STON2: variants seen among roughly 807,000 people sequenced by gnomAD.
STON2 encodes the protein stonin 2.
In STON2, 29 loss-of-function variants were observed where a neutral mutation model predicts 65.7. The observed-to-expected ratio is 0.44, with a 90% CI of 0.33 to 0.60. The LOEUF is 0.60. Ranked by LOEUF, STON2 falls within the 20% of genes least tolerant of loss-of-function variation. The pLI, the probability that STON2 is intolerant of heterozygous loss-of-function variation, is 0.03. For synonymous variants in STON2, 404 were observed against 414.2 expected (o/e 0.98, Z 0.30); for missense variants, 1,054 against 1,118.1 (o/e 0.94, Z 0.82).
intron 5 of STON2, among the ~76,000 whole-genome samples, chr14:81,323,151 C>T (rs1423334194): frequency 6.6e-6 from 1 of 152,192 alleles, no homozygotes; most frequent in Non-Finnish European, 1.5e-5. Flanking sequence ...GAGGCAGCAA[C>T]TTTATTCCTT....
chr14:81,292,483 C>T lies in STON2; in HGVS notation c.743-13744G>A, dbSNP rs947914726. Among the ~76,000 whole-genome samples, 4 of 152,278 alleles carry T rather than the reference C, an allele frequency of 2.6e-5. No homozygotes were observed. The East Asian group carries it at 7.7e-4, about 29-fold the overall frequency. ...GTGGCAGTTAACTGAATGATGGGGGCAAGTTACCCCTGTGCTGTTCTCATG... is the reference window on the plus strand; with the variant it reads ...GTGGCAGTTAACTGAATGATGGGGGTAAGTTACCCCTGTGCTGTTCTCATG... On this transcript the variant is annotated intron_variant, in intron 5 of 7. Coordinates refer to ENST00000614646, the MANE Select transcript of STON2 (RefSeq NM_001394390.1).
At chr14:81,318,934 C>T (rs1896722885) in intron 5 of STON2, among the ~76,000 whole-genome samples, 1 of 152,244 alleles carries the variant, frequency 6.6e-6, no homozygotes, top group Admixed American at 6.5e-5. Context: ...CCTTGACCAA[C>T]AGGATGCTAA....
At chr14:81,430,181 G>C (rs902639246) in intron 1 of STON2, among the ~76,000 whole-genome samples, 5 of 152,140 alleles carry the variant, frequency 3.3e-5, no homozygotes, top group Non-Finnish European at 7.3e-5. Context: ...CACAATCTGG[G>C]AAAGACTCGC....
chr14:81,264,479 C>T lies in STON2; in HGVS notation c.*3935G>A, dbSNP rs1420527110. 2.0e-6 allele frequency: 2 copies of T among 985,286 alleles called. No individual in the cohort carries two copies. The highest frequency in any genetic ancestry group is 2.4e-6 in the Non-Finnish European group (2 of 829,930). 61.0% of individuals were successfully genotyped at this position (985,286 alleles called of 1,614,324 possible). A position where few individuals can be genotyped will look rare whatever the true frequency, so the allele number is the denominator to read the frequency against. On this transcript the variant is annotated 3_prime_UTR_variant, in exon 8 of 8. Transcript: ENST00000614646. Reference sequence around the variant, plus strand: ...AGTATACGTTTGCCCTCCTGGCAAGCATTTAAGGTGGCTGAACCCTATTAT... The same window carrying T: ...AGTATACGTTTGCCCTCCTGGCAAGTATTTAAGGTGGCTGAACCCTATTAT...
At chr14:81,268,559 A>G (rs1291756483) in intron 7 of STON2, 62 bp from the exon 8 acceptor site, 1 of 1,285,284 alleles carries the variant, frequency 7.8e-7, no homozygotes, top group Non-Finnish European at 1.0e-6. Flanking sequence ...GCAAATAAAT[A>G]AGTAAACCAA....
At position 81,277,418 on chromosome 14, in the gene STON2, G is replaced by C; in HGVS notation, c.2064C>G (p.Ile688Met). Residue 688 changes from isoleucine (I) to methionine (M), a missense_variant, in exon 6 of 8, where the codon ATC becomes ATG. Transcript: ENST00000614646. ...TCCACTTTGTGGTGGTGGTGGGCAT[G>C]ATGTCCTGCCTCAAAACTATTTCAT... is the stretch of plus-strand genomic sequence containing the variant. ...KGNEIVLRQD[I>M]MPTTTTKWIK... The C allele has an allele frequency of 6.2e-7, 1 of 1,614,182 alleles. No homozygotes were observed. The highest frequency in any genetic ancestry group is 8.5e-7 in the Non-Finnish European group (1 of 1,180,042).
intron 4 of STON2, among the ~76,000 whole-genome samples, chr14:81,362,681 G>C (rs1248104309): frequency 6.6e-6 from 1 of 152,098 alleles, no homozygotes; most frequent in Non-Finnish European, 1.5e-5. Context: ...TAAGGTGATA[G>C]ATACGTTAAT....
rs1042563439 is a variant in STON2 at position 81,364,628 on chromosome 14, A to C, written c.571+6360T>G. Among the ~76,000 whole-genome samples the C allele has an allele frequency of 2.0e-5, 3 of 152,200 alleles. No individual in the cohort carries two copies. The South Asian group carries it at 6.2e-4, about 31-fold the overall frequency. ...TGTGTGTGTATACATATACATATACATGTATACGAATATAAATTATACATA... is the reference window on the plus strand; with the variant it reads ...TGTGTGTGTATACATATACATATACCTGTATACGAATATAAATTATACATA... On this transcript the variant is annotated intron_variant, in intron 4 of 7. Coordinates refer to ENST00000614646, the MANE Select transcript of STON2 (RefSeq NM_001394390.1).
At chr14:81,282,050 T>A (rs1895146059) in intron 5 of STON2, among the ~76,000 whole-genome samples, 1 of 152,204 alleles carries the variant, frequency 6.6e-6, no homozygotes, top group Non-Finnish European at 1.5e-5. Flanking sequence ...TTTAAAGAAA[T>A]CTGAGAATTG....
upstream of STON2, among the ~76,000 whole-genome samples, chr14:81,404,379 A>C (rs1327139564): frequency 6.6e-6 from 1 of 152,212 alleles, no homozygotes; most frequent in Non-Finnish European, 1.5e-5. Flanking sequence ...TTCATGTTAA[A>C]ATGGTATCCT....
chr14:81,407,216 G>A (rs1056527932), intron 2 of STON2, among the ~76,000 whole-genome samples: 3 of 152,118 alleles, frequency 2.0e-5, no homozygotes, highest in Admixed American at 1.3e-4. Context: ...TCCTCCCCTG[G>A]AACATTACTT....
chr14:81,310,366 G>C (rs1448141845), intron 5 of STON2, among the ~76,000 whole-genome samples: 3 of 152,154 alleles, frequency 2.0e-5, no homozygotes, highest in African/African-American at 2.4e-5. Context: ...AACAGTAACT[G>C]TGAACCCTCA....
chr14:81,277,822 G>A lies in STON2; in HGVS notation c.1660C>T (p.His554Tyr). 1 of 1,614,146 alleles carries A rather than the reference G, an allele frequency of 6.2e-7. No homozygotes were observed. Among genetic ancestry groups the A allele is most frequent in the Non-Finnish European group, 8.5e-7 (1 of 1,180,032 alleles). Reference protein sequence around the residue: ...LQNYDENGRIHSLRIDRVTYK... With the variant: ...LQNYDENGRIYSLRIDRVTYK... The stretch of plus-strand genomic sequence containing the variant: ...GTGACACGGTCTATCCGCAAGCTGT[G>A]GATTCTGCCATTCTCATCATAGTTT... Residue 554 changes from histidine (H) to tyrosine (Y), a missense_variant, in exon 6 of 8, where the codon CAC becomes TAC. By Grantham distance (83) the His-to-Tyr change is moderately conservative. Transcript: ENST00000614646.
At chr14:81,331,505 G>A (rs372649771) in intron 4 of STON2, among the ~76,000 whole-genome samples, 74 of 152,292 alleles carry the variant, frequency 4.9e-4, no homozygotes, top group South Asian at 3.3e-3. Context: ...TACTGGGAGG[G>A]GGGGTACAGA....
Position 81,349,478 on chromosome 14 carries a change from T to C in STON2, c.571+21510A>G, listed in dbSNP as rs538261840. The stretch of plus-strand genomic sequence containing the variant: ...GACATACAAATGGCCAACAGGCATA[T>C]GAAAAAAATGCTAAATATCACAAAT... On this transcript the variant is annotated intron_variant, in intron 4 of 7. Transcript: ENST00000614646. Among the ~76,000 whole-genome samples the C allele has an allele frequency of 3.9e-5, 6 of 152,068 alleles. No homozygotes were observed. In the South Asian group the frequency reaches 8.3e-4, roughly 21 times the overall value.
rs1898725071 is a variant in STON2 at position 81,366,327 on chromosome 14, T to A, written c.571+4661A>T. Among the ~76,000 whole-genome samples, 3 of 152,306 alleles carry A rather than the reference T, an allele frequency of 2.0e-5. No individual in the cohort carries two copies. The South Asian group carries it at 6.2e-4, about 32-fold the overall frequency. On this transcript the variant is annotated intron_variant, in intron 4 of 7. Coordinates refer to ENST00000614646, the MANE Select transcript of STON2 (RefSeq NM_001394390.1). ...CTGCCGCAGATGACAGGGAAGAGGC[T>A]GTGGCTCTGCTCTCGGCAGCCCACT...
chr14:81,317,373 T>C lies in STON2; in HGVS notation c.742+6644A>G, dbSNP rs376432165. 1.6e-4 allele frequency among the ~76,000 whole-genome samples: 24 copies of C among 152,276 alleles called. 1 individual carries two copies. In the East Asian group the frequency reaches 2.1e-3, roughly 13 times the overall value. ...ACATGAGAATTGGAGGGGACAAATA[T>C]ACAAACCAAACTAGCCACATATATT... On this transcript the variant is annotated intron_variant, in intron 5 of 7. Transcript: ENST00000614646.
At chr14:81,295,090 C>T (rs756652614) in intron 5 of STON2, among the ~76,000 whole-genome samples, 25 of 152,066 alleles carry the variant, frequency 1.6e-4, no homozygotes, top group South Asian at 2.1e-4. Flanking sequence ...TTTAGGAGGC[C>T]GAGGTGGGCG....
chr14:81,318,953 T>C (rs551635299), intron 5 of STON2, among the ~76,000 whole-genome samples: 1 of 152,368 alleles, frequency 6.6e-6, no homozygotes, highest in East Asian at 1.9e-4. Context: ...AACAGATTAG[T>C]GACATTATCA....
Sources: gnomAD v4.1 joint callset for allele counts (sites outside exome capture counted in the v4.1 genomes callset) on GRCh38, gnomAD v4.1.1 for gene constraint, MANE v1.5 for transcripts, NCBI Gene and HGNC (gene_info 2026-07-23, HGNC 2026-07-21) for gene names.